The following HIBADH variants were observed in gnomAD, a reference collection of about 807,000 sequenced individuals.
The protein encoded by HIBADH is 3-hydroxyisobutyrate dehydrogenase, mitochondrial.
A neutral mutation model predicts 36.1 loss-of-function variants in HIBADH; 25 were observed. The ratio of observed to expected loss-of-function variants is 0.69; its 90% CI spans 0.50 to 0.97. HIBADH has a LOEUF of 0.97. Among genes scored for constraint, HIBADH ranks in the 50% least tolerant of loss-of-function variants. The pLI is 0.00. For synonymous variants in HIBADH, 160 were observed against 149.5 expected, an observed-to-expected ratio of 1.07 and a Z score of -0.51; for missense variants, 421 against 418.0, an observed-to-expected ratio of 1.01 and a Z score of -0.06.
At chr7:27,632,548 T>C (rs1785765479) in intron 2 of HIBADH, 103 bp from the exon 3 acceptor site, 5 of 596,436 alleles carry the variant, frequency 8.4e-6, no homozygotes, top group South Asian at 4.4e-5. Context: ...ACAGTGACAG[T>C]GCATAAAGAC....
Position 27,526,389 on chromosome 7 carries a change from G to C in HIBADH, c.853-17C>G, listed in dbSNP as rs765400645. 5.0e-6 allele frequency: 8 copies of C among 1,603,268 alleles called. No homozygotes were observed. Among genetic ancestry groups the C allele is most frequent in the Non-Finnish European group, 6.0e-6 (7 of 1,174,928 alleles). On this transcript the variant is annotated splice_polypyrimidine_tract_variant and intron_variant, in intron 7 of 7. Coordinates refer to ENST00000265395, the MANE Select transcript of HIBADH (RefSeq NM_152740.4). ...TCCCAGATCCTAAATCAAACAGGAG[G>C]AGAGAACACGCTGAGACTGGTGGTA...
intron 4 of HIBADH, among the ~76,000 whole-genome samples, chr7:27,579,184 C>T (rs1353729153): frequency 6.6e-6 from 1 of 152,144 alleles, no homozygotes. Flanking sequence ...TTAGATGGCA[C>T]TGAATCAAAG....
At chr7:27,631,325 T>C (rs182155072) in intron 3 of HIBADH, among the ~76,000 whole-genome samples, 4 of 152,372 alleles carry the variant, frequency 2.6e-5, no homozygotes, top group Non-Finnish European at 5.9e-5. Flanking sequence ...TAAACATTTA[T>C]CTTATCAGTT....
At chr7:27,534,848 CTATT>C (rs1273715901) in intron 6 of HIBADH, among the ~76,000 whole-genome samples, 4 of 151,700 alleles carry the variant, frequency 2.6e-5, no homozygotes, top group African/African-American at 9.7e-5. Context: ...GTGCCAGAAA[CTATT>C]TAATAAGTTT....
rs1297787280 is a variant in HIBADH, at chr7:27,597,543, G to A, written c.484+31828C>T. On this transcript the variant is annotated intron_variant, in intron 4 of 7. Coordinates refer to ENST00000265395, the MANE Select transcript of HIBADH (RefSeq NM_152740.4). ...GTACAGAGGCTACACCACTATAAGA[G>A]GCACTACCAGAATCCCCCAAACCAG... 2.0e-5 allele frequency among the ~76,000 whole-genome samples: 3 copies of A among 151,722 alleles called. No homozygotes were observed. The East Asian group carries it at 5.8e-4, about 29-fold the overall frequency.
chr7:27,589,488 GGATCA>G (rs1344078991), intron 4 of HIBADH, among the ~76,000 whole-genome samples: 3 of 152,082 alleles, frequency 2.0e-5, no homozygotes, highest in African/African-American at 7.2e-5. Flanking sequence ...TACATACTGT[GGATCA>G]GACACTTTTC....
chr7:27,643,324 C>T (rs1287580496), intron 2 of HIBADH, among the ~76,000 whole-genome samples: 1 of 152,166 alleles, frequency 6.6e-6, no homozygotes, highest in Non-Finnish European at 1.5e-5. Flanking sequence ...CTGATACTAC[C>T]TGTTGAATGG....
At chr7:27,550,257 G>A (rs1396709790) in intron 4 of HIBADH, among the ~76,000 whole-genome samples, 1 of 152,040 alleles carries the variant, frequency 6.6e-6, no homozygotes, top group Non-Finnish European at 1.5e-5. Flanking sequence ...TCTCCATTAA[G>A]TTATTCTTTC....
chr7:27,614,964 C>G (rs1785400998), intron 4 of HIBADH, among the ~76,000 whole-genome samples: 1 of 152,134 alleles, frequency 6.6e-6, no homozygotes, highest in African/African-American at 2.4e-5. Context: ...TCTCCAGATT[C>G]AAGAATAGTG....
chr7:27,584,675 G>A (rs562367731), intron 4 of HIBADH, among the ~76,000 whole-genome samples: 8 of 152,154 alleles, frequency 5.3e-5, no homozygotes, highest in Middle Eastern at 3.4e-3. Context: ...TAGCAGGATC[G>A]TTTGGGGCAT....
chr7:27,612,279 T>C (rs1785334738), intron 4 of HIBADH, among the ~76,000 whole-genome samples: 1 of 152,014 alleles, frequency 6.6e-6, no homozygotes, highest in South Asian at 2.1e-4. Context: ...AAGAAAGAAA[T>C]GCAGACCTTG....
chr7:27,651,217 G>A (rs1246188350), intron 1 of HIBADH, among the ~76,000 whole-genome samples: 1 of 152,126 alleles, frequency 6.6e-6, no homozygotes, highest in East Asian at 1.9e-4. Context: ...AAGCCCTAAT[G>A]CTTAAGAACT....
At chr7:27,535,845 TA>T (rs1784064071) in intron 6 of HIBADH, among the ~76,000 whole-genome samples, 2 of 152,080 alleles carry the variant, frequency 1.3e-5, no homozygotes. Flanking sequence ...TTTTAAACTG[TA>T]AGATTTTATT....
intron 3 of HIBADH, among the ~76,000 whole-genome samples, chr7:27,632,086 A>C (rs1198385510): frequency 1.3e-5 from 2 of 152,200 alleles, no homozygotes; most frequent in Non-Finnish European, 2.9e-5. Context: ...TTACTAGTGA[A>C]AGGGTAAGTT....
At chr7:27,648,284 G>A (rs1786114060) in intron 2 of HIBADH, among the ~76,000 whole-genome samples, 1 of 152,130 alleles carries the variant, frequency 6.6e-6, no homozygotes, top group African/African-American at 2.4e-5. Flanking sequence ...TACTGGGAGT[G>A]TAATATCCGT....
At chr7:27,577,639 T>C (rs1390394077) in intron 4 of HIBADH, among the ~76,000 whole-genome samples, 1 of 152,182 alleles carries the variant, frequency 6.6e-6, no homozygotes, top group East Asian at 1.9e-4. Context: ...GCTCGCAATA[T>C]AAAGAGAAGA....
intron 4 of HIBADH, among the ~76,000 whole-genome samples, chr7:27,612,332 C>CT (rs1411582908): frequency 0.036 from 4,873 of 136,526 alleles, 249 homozygotes; most frequent in African/African-American, 0.12. Context: ...TTTTTTTTTT[C>CT]TTTTTTTTTT....
chr7:27,564,836 G>A (rs1784521689), intron 4 of HIBADH, among the ~76,000 whole-genome samples: 1 of 152,040 alleles, frequency 6.6e-6, no homozygotes, highest in South Asian at 2.1e-4. Context: ...CACATGTTCT[G>A]CACATTTAGA....
chr7:27,556,034 A>AT (rs1411647829), intron 4 of HIBADH, among the ~76,000 whole-genome samples: 4 of 152,340 alleles, frequency 2.6e-5, no homozygotes, highest in African/African-American at 9.6e-5. Flanking sequence ...GAGAATACAG[A>AT]AAGGATTTTA....
Sources: allele counts gnomAD v4.1 joint callset (sites outside exome capture counted in the v4.1 genomes callset), GRCh38; gene constraint gnomAD v4.1.1; transcripts MANE v1.5; gene names NCBI Gene and HGNC (gene_info 2026-07-23, HGNC 2026-07-21).